Variants in RBFOX1 observed in about 807,000 individuals in gnomAD.
RBFOX1 encodes the protein RNA binding protein fox-1 homolog 1.
Under a neutral mutation model 57.7 loss-of-function variants are expected in RBFOX1, and 8 were observed. That is an observed-to-expected ratio of 0.14 (90% CI 0.08 to 0.25). RBFOX1 has a LOEUF of 0.25. Among genes scored for constraint, RBFOX1 ranks in the 10% least tolerant of loss-of-function variants. The pLI, the probability that RBFOX1 is intolerant of heterozygous loss-of-function variation, is 1.00. For synonymous variants in RBFOX1, 326 were observed against 222.4 expected (o/e 1.47, Z -4.15); for missense variants, 611 against 548.5 (o/e 1.11, Z -1.14).
intron 4 of RBFOX1, among the ~76,000 whole-genome samples, chr16:5,963,741 A>G (rs908243440): frequency 3.9e-5 from 6 of 152,218 alleles, no homozygotes; most frequent in East Asian, 1.9e-4. Context: ...ATCTTATACT[A>G]TACATAAAAA....
intron 3 of RBFOX1, among the ~76,000 whole-genome samples, chr16:7,026,323 G>A (rs944405182): frequency 1.3e-5 from 2 of 152,138 alleles, no homozygotes; most frequent in African/African-American, 2.4e-5. Flanking sequence ...TTTAATTAAC[G>A]GTTTAACTCG....
chr16:5,587,601 T>C (rs929180877), intron 2 of RBFOX1, among the ~76,000 whole-genome samples: 6 of 152,082 alleles, frequency 3.9e-5, no homozygotes, highest in Non-Finnish European at 7.4e-5. Context: ...TAATCCCAGC[T>C]AATCTGGAGG....
At chr16:6,463,997 C>T (rs1253682952) in intron 2 of RBFOX1, among the ~76,000 whole-genome samples, 1 of 152,112 alleles carries the variant, frequency 6.6e-6, no homozygotes, top group East Asian at 1.9e-4. Flanking sequence ...AGGGGCTGAC[C>T]ATTTGATAGG....
rs115280561 is a variant in RBFOX1 at position 6,493,582 on chromosome 16, C to A, written c.-63-161021C>A. Reference sequence around the variant, plus strand: ...AAAATTGTATTTTGTGCCGAATTTCCCACTGTGAAAGATGTTTACTATATA... The same window carrying A: ...AAAATTGTATTTTGTGCCGAATTTCACACTGTGAAAGATGTTTACTATATA... On this transcript the variant is annotated intron_variant, in intron 2 of 15. Transcript: ENST00000550418. Among the ~76,000 whole-genome samples, 801 of 152,186 alleles carry A rather than the reference C, an allele frequency of 5.3e-3. 8 individuals carry two copies. Among genetic ancestry groups the A allele is most frequent in the African/African-American group, 0.018 (738 of 41,530 alleles).
intron 4 of RBFOX1, among the ~76,000 whole-genome samples, chr16:7,171,827 A>C (rs1437480227): frequency 6.6e-6 from 1 of 152,192 alleles, no homozygotes; most frequent in African/African-American, 2.4e-5. Flanking sequence ...TTTTAGCTAT[A>C]AAATTTTGCT....
At chr16:6,110,377 T>A (rs1033388790) in intron 1 of RBFOX1, among the ~76,000 whole-genome samples, 1 of 152,010 alleles carries the variant, frequency 6.6e-6, no homozygotes, top group Non-Finnish European at 1.5e-5. Flanking sequence ...CTGAAAAAAT[T>A]ATAAAATAAA....
chr16:7,389,406 A>G (rs1408063943), intron 4 of RBFOX1, among the ~76,000 whole-genome samples: 1 of 152,200 alleles, frequency 6.6e-6, no homozygotes, highest in African/African-American at 2.4e-5. Flanking sequence ...GATTACAGGC[A>G]TGAGCCACAG....
rs756872408 is a variant in RBFOX1 at position 5,939,609 on chromosome 16, G to C, written c.351+72274G>C. Reference sequence around the variant, plus strand: ...CAGTGCCTTTTATGACACAATTTTGGAAGTCACCCACTGTCACTTTTTCCA... The same window carrying C: ...CAGTGCCTTTTATGACACAATTTTGCAAGTCACCCACTGTCACTTTTTCCA... On this transcript the variant is annotated intron_variant, in intron 4 of 19. Transcript: ENST00000641259. 6.2e-4 allele frequency among the ~76,000 whole-genome samples: 95 copies of C among 152,246 alleles called. 1 individual carries two copies. Among genetic ancestry groups the C allele is most frequent in the Admixed American group, 1.8e-3 (27 of 15,298 alleles).
At chr16:5,457,696 A>G (rs1017039022) in intron 1 of RBFOX1, among the ~76,000 whole-genome samples, 2 of 152,192 alleles carry the variant, frequency 1.3e-5, no homozygotes, top group East Asian at 1.9e-4. Flanking sequence ...TTCCAGGACA[A>G]TGCACCCACC....
At chr16:7,314,872 A>G (rs571168596) in intron 4 of RBFOX1, among the ~76,000 whole-genome samples, 187 of 152,302 alleles carry the variant, frequency 1.2e-3, no homozygotes, top group Non-Finnish European at 2.0e-3. Context: ...TTTCACTGAA[A>G]AAGAATGCAG....
chr16:6,965,315 TTGTGTGTGTGTGTGTGTGTGTGTG>T (rs57603257), intron 3 of RBFOX1, among the ~76,000 whole-genome samples: 10 of 147,454 alleles, frequency 6.8e-5, no homozygotes, highest in Non-Finnish European at 1.3e-4. Context: ...TTTTCTTTTG[TTGTGTGTGTGTGTGTGTGTGTGTG>T]TGTGTGTGTG....
At chr16:6,380,698 A>G (rs2091724215) in intron 2 of RBFOX1, among the ~76,000 whole-genome samples, 1 of 150,808 alleles carries the variant, frequency 6.6e-6, no homozygotes, top group Non-Finnish European at 1.5e-5. Flanking sequence ...TTGGGGGCAT[A>G]CAAAACCATT....
At chr16:5,807,160 C>T (rs2055256981) in intron 3 of RBFOX1, among the ~76,000 whole-genome samples, 2 of 152,178 alleles carry the variant, frequency 1.3e-5, no homozygotes, top group South Asian at 4.1e-4. Flanking sequence ...AATTACTTAA[C>T]CTCTCAGAGC....
chr16:6,590,115 A>G (rs1007347267), intron 2 of RBFOX1, among the ~76,000 whole-genome samples: 16 of 152,340 alleles, frequency 1.1e-4, no homozygotes, highest in African/African-American at 3.8e-4. Flanking sequence ...TTTTGTAAGC[A>G]TCACCATTTT....
rs1471253132 is a variant in RBFOX1 at position 6,895,442 on chromosome 16, GTGTGTGTATATATATA to G, written c.-15-156613_-15-156598del. Reference sequence around the variant, plus strand: ...TATGTGTGTGTGTGTGTGTGTGTGTGTGTGTGTATATATATATATATATATATATATATATATATAT... The same window carrying G: ...TATGTGTGTGTGTGTGTGTGTGTGTGTATATATATATATATATATATATAT... On this transcript the variant is annotated intron_variant, in intron 3 of 15. Transcript: ENST00000550418. 5.0e-3 allele frequency among the ~76,000 whole-genome samples: 392 copies of G among 78,648 alleles called. 1 individual carries two copies. Among genetic ancestry groups the G allele is most frequent in the African/African-American group, 0.019 (376 of 19,902 alleles). 51.6% of individuals were successfully genotyped at this position (78,648 alleles called of 152,430 possible). A position where few individuals can be genotyped will look rare whatever the true frequency, so the allele number is the denominator to read the frequency against.
chr16:5,856,164 T>C lies in RBFOX1; in HGVS notation c.319-11139T>C, dbSNP rs1293909256. 2.5e-3 allele frequency among the ~76,000 whole-genome samples: 145 copies of C among 58,850 alleles called. 2 individuals carry two copies. Among genetic ancestry groups the C allele is most frequent in the African/African-American group, 7.0e-3 (116 of 16,624 alleles). 38.6% of individuals were successfully genotyped at this position (58,850 alleles called of 152,430 possible). A position where few individuals can be genotyped will look rare whatever the true frequency, so the allele number is the denominator to read the frequency against. ...GAGTCTTTATGGTTCTCTCTCTCTC[T>C]CTCTCTCTCTCTCTCTCTCTCTCTA... is the stretch of plus-strand genomic sequence containing the variant. On this transcript the variant is annotated intron_variant, in intron 3 of 19. Coordinates refer to the RBFOX1 transcript ENST00000641259.
intron 10 of RBFOX1, among the ~76,000 whole-genome samples, chr16:7,608,068 G>A (rs2141293724): frequency 6.6e-6 from 1 of 152,296 alleles, no homozygotes; most frequent in South Asian, 2.1e-4. Context: ...TCTTGAACAA[G>A]GCTGCATTGA....
intron 3 of RBFOX1, among the ~76,000 whole-genome samples, chr16:6,681,538 C>T (rs534703741): frequency 3.3e-5 from 5 of 152,162 alleles, no homozygotes; most frequent in African/African-American, 1.2e-4. Flanking sequence ...TTTTTCATCT[C>T]CAAACTTTAG....
intron 4 of RBFOX1, among the ~76,000 whole-genome samples, chr16:7,077,414 C>G (rs1052357201): frequency 6.6e-6 from 1 of 152,152 alleles, no homozygotes; most frequent in Non-Finnish European, 1.5e-5. Context: ...GGTGGTGAAG[C>G]TACTACATTT....
Sources: gnomAD v4.1 joint callset for allele counts (sites outside exome capture counted in the v4.1 genomes callset) on GRCh38, gnomAD v4.1.1 for gene constraint, MANE v1.5 for transcripts, NCBI Gene and HGNC (gene_info 2026-07-23, HGNC 2026-07-21) for gene names.